KCNN2: variants seen among roughly 807,000 people sequenced by gnomAD.
KCNN2 encodes the protein potassium calcium-activated channel subfamily N member 2, also known as small conductance calcium-activated potassium channel protein 2.
A neutral mutation model predicts 55.5 loss-of-function variants in KCNN2; 24 were observed. That is an observed-to-expected ratio of 0.43 (90% CI 0.31 to 0.61). KCNN2 has a LOEUF of 0.61. Among genes scored for constraint, KCNN2 ranks in the 20% least tolerant of loss-of-function variants. The pLI, the probability that KCNN2 is intolerant of heterozygous loss-of-function variation, is 0.08. For missense variants in KCNN2, 754 were observed against 853.6 expected, an observed-to-expected ratio of 0.88 and a Z score of 1.45; for synonymous variants, 431 against 336.1, an observed-to-expected ratio of 1.28 and a Z score of -3.09.
chr5:114,128,676 G>T (rs1036391685), intron 1 of KCNN2, among the ~76,000 whole-genome samples: 1 of 152,164 alleles, frequency 6.6e-6, no homozygotes, highest in Non-Finnish European at 1.5e-5. Flanking sequence ...TTGAAGCTAT[G>T]TTTAGGGTCT....
At chr5:114,201,364 C>T (rs996302022) in intron 1 of KCNN2, among the ~76,000 whole-genome samples, 1 of 151,912 alleles carries the variant, frequency 6.6e-6, no homozygotes, top group Admixed American at 6.6e-5. Context: ...AAACATGGTC[C>T]AAGAGTGGGG....
intron 1 of KCNN2, among the ~76,000 whole-genome samples, chr5:114,207,155 C>T (rs115136839): frequency 6.6e-6 from 1 of 152,116 alleles, no homozygotes; most frequent in East Asian, 1.9e-4. Flanking sequence ...ATGACTAGTT[C>T]TTGTTTTGGG....
At chr5:114,166,785 G>T (rs1244285630) in intron 1 of KCNN2, among the ~76,000 whole-genome samples, 1 of 152,058 alleles carries the variant, frequency 6.6e-6, no homozygotes, top group Non-Finnish European at 1.5e-5. Flanking sequence ...GTATTAGGGG[G>T]GTAGGGCCTT....
At chr5:114,191,570 C>G (rs1753450154) in intron 1 of KCNN2, among the ~76,000 whole-genome samples, 1 of 152,010 alleles carries the variant, frequency 6.6e-6, no homozygotes, top group Admixed American at 6.6e-5. Flanking sequence ...ATTTACAAAT[C>G]AAACAGAGAT....
At chr5:114,066,401 G>A (rs576158720) in intron 1 of KCNN2, among the ~76,000 whole-genome samples, 3 of 152,172 alleles carry the variant, frequency 2.0e-5, no homozygotes, top group Non-Finnish European at 4.4e-5. Flanking sequence ...CAGGCCTAGA[G>A]TAAGTTGTCA....
At chr5:114,259,941 G>T (rs1755069539) in intron 2 of KCNN2, among the ~76,000 whole-genome samples, 1 of 152,158 alleles carries the variant, frequency 6.6e-6, no homozygotes, top group African/African-American at 2.4e-5. Context: ...TCTCTAGTCA[G>T]CCATCTTGAA....
intron 1 of KCNN2, among the ~76,000 whole-genome samples, chr5:114,152,551 A>G (rs902668140): frequency 4.6e-5 from 7 of 152,146 alleles, no homozygotes; most frequent in African/African-American, 1.7e-4. Context: ...GTTTTATTGT[A>G]CTCATTCTTC....
At chr5:114,127,823 C>A (rs1203351093) in intron 1 of KCNN2, among the ~76,000 whole-genome samples, 11 of 152,122 alleles carry the variant, frequency 7.2e-5, no homozygotes, top group African/African-American at 2.7e-4. Flanking sequence ...TACTCTAAAT[C>A]ATCTCTCTCA....
At chr5:114,287,487 C>G (rs1755777960) in intron 2 of KCNN2, among the ~76,000 whole-genome samples, 1 of 151,866 alleles carries the variant, frequency 6.6e-6, no homozygotes, top group Non-Finnish European at 1.5e-5. Context: ...CCTCAGCAAA[C>G]TAACACAGGA....
chr5:114,322,069 G>A (rs1428264089), intron 2 of KCNN2, among the ~76,000 whole-genome samples: 2 of 152,160 alleles, frequency 1.3e-5, no homozygotes, highest in African/African-American at 4.8e-5. Context: ...TAAGACAACT[G>A]GAAGTTCTCT....
chr5:114,115,724 G>A (rs1381675109), intron 1 of KCNN2, among the ~76,000 whole-genome samples: 2 of 152,060 alleles, frequency 1.3e-5, no homozygotes, highest in African/African-American at 4.8e-5. Flanking sequence ...GAAGAAGGAA[G>A]TTGTAGTAGA....
At chr5:114,178,552 G>A (rs1561511219) in intron 1 of KCNN2, among the ~76,000 whole-genome samples, 1 of 152,304 alleles carries the variant, frequency 6.6e-6, no homozygotes, top group East Asian at 1.9e-4. Context: ...TCCAAAGCCT[G>A]ATCTCTGTTT....
chr5:114,473,024 T>C, intron 4 of KCNN2, 30 bp from the exon 5 acceptor site: 1 of 1,383,326 alleles, frequency 7.2e-7, no homozygotes, highest in Non-Finnish European at 1.0e-6. Flanking sequence ...TTAGTAATGC[T>C]TTGGGTTTCT....
chr5:114,227,709 T>G (rs1415343361), intron 2 of KCNN2, among the ~76,000 whole-genome samples: 1 of 152,202 alleles, frequency 6.6e-6, no homozygotes, highest in Non-Finnish European at 1.5e-5. Flanking sequence ...GTATGAAACC[T>G]AGTTCTTTCA....
intron 1 of KCNN2, among the ~76,000 whole-genome samples, chr5:114,116,835 T>C (rs1216687116): frequency 6.6e-6 from 1 of 152,134 alleles, no homozygotes; most frequent in African/African-American, 2.4e-5. Context: ...TAAAGAATGA[T>C]TGGATATTAG....
intron 1 of KCNN2, among the ~76,000 whole-genome samples, chr5:114,143,146 G>T (rs1423830823): frequency 2.6e-5 from 4 of 152,090 alleles, no homozygotes; most frequent in Non-Finnish European, 5.9e-5. Context: ...TTTTAGTGAG[G>T]GTGGGGGTAG....
chr5:114,136,286 A>G (rs1752172553), intron 1 of KCNN2, among the ~76,000 whole-genome samples: 1 of 152,158 alleles, frequency 6.6e-6, no homozygotes. Context: ...GGTGGTTAGA[A>G]CTGTGAGTTC....
chr5:114,352,197 G>T (rs776738884), intron 2 of KCNN2, among the ~76,000 whole-genome samples: 3 of 151,412 alleles, frequency 2.0e-5, no homozygotes, highest in Non-Finnish European at 4.4e-5. Flanking sequence ...TCATCAATTT[G>T]TTGGCATATA....
At chr5:114,442,839 G>A (rs1453569700) in intron 3 of KCNN2, among the ~76,000 whole-genome samples, 3 of 152,140 alleles carry the variant, frequency 2.0e-5, no homozygotes, top group Non-Finnish European at 4.4e-5. Context: ...TTGTGAACTC[G>A]GAGAGATGTG....
Sources: gnomAD v4.1 joint callset for allele counts (sites outside exome capture counted in the v4.1 genomes callset) on GRCh38, gnomAD v4.1.1 for gene constraint, MANE v1.5 for transcripts, NCBI Gene and HGNC (gene_info 2026-07-23, HGNC 2026-07-21) for gene names.